PLPPR1: variants seen among roughly 807,000 people sequenced by gnomAD.
PLPPR1 encodes the protein phospholipid phosphatase related 1.
In PLPPR1, 10 loss-of-function variants were observed where a neutral mutation model predicts 33.1. That is an observed-to-expected ratio of 0.30 (90% CI 0.19 to 0.51). PLPPR1 has a LOEUF of 0.51. PLPPR1 is among the 20% of genes least tolerant of loss of function. The pLI, the probability that PLPPR1 is intolerant of heterozygous loss-of-function variation, is 0.97. For missense variants in PLPPR1, 304 were observed against 408.1 expected (o/e 0.74, Z 2.20); for synonymous variants, 151 against 151.0 (o/e 1.00, Z 0.00).
chr9:101,229,551 G>T (rs531218755), intron 2 of PLPPR1, among the ~76,000 whole-genome samples: 79 of 151,968 alleles, frequency 5.2e-4, no homozygotes, highest in Non-Finnish European at 1.0e-3. Flanking sequence ...TTTATTTCAT[G>T]ATTTCATGCT....
intron 3 of PLPPR1, among the ~76,000 whole-genome samples, chr9:101,276,078 T>A (rs987606607): frequency 6.6e-6 from 1 of 152,212 alleles, no homozygotes; most frequent in Non-Finnish European, 1.5e-5. Flanking sequence ...GGGGTGCAGC[T>A]GCCGAAGCAA....
Position 101,105,946 on chromosome 9 carries a change from G to A in PLPPR1, c.-46+76844G>A, listed in dbSNP as rs1221790609. The stretch of plus-strand genomic sequence containing the variant: ...TTTGATCTTTGTTGGTTTAAAGTCC[G>A]TTTTATCAGAGACTAGGATTGCAAC... On this transcript the variant is annotated intron_variant, in intron 1 of 7. Coordinates refer to ENST00000374874, the MANE Select transcript of PLPPR1 (RefSeq NM_207299.2). Among the ~76,000 whole-genome samples the A allele has an allele frequency of 8.1e-3, 1,187 of 147,196 alleles. 20 individuals carry two copies. The highest frequency in any genetic ancestry group is 0.013 in the Non-Finnish European group (857 of 67,072).
chr9:101,174,334 C>T (rs189554612), intron 1 of PLPPR1, among the ~76,000 whole-genome samples: 49 of 152,218 alleles, frequency 3.2e-4, no homozygotes, highest in African/African-American at 1.2e-3. Flanking sequence ...ATCATCATGA[C>T]GTTTTAAAAA....
In PLPPR1 at chr9:101,217,026, C is replaced by T. The variant is rs543300872; in HGVS notation, c.63+31469C>T. ...AAGCAATGAATAAGGAAAATATTTA[C>T]AATTGGAGTTGTGATTCTCAATTTT... On this transcript the variant is annotated intron_variant, in intron 2 of 7. Transcript: ENST00000374874. 2.8e-3 allele frequency among the ~76,000 whole-genome samples: 422 copies of T among 152,162 alleles called. 1 individual carries two copies. The highest frequency in any genetic ancestry group is 9.6e-3 in the African/African-American group (400 of 41,492).
In PLPPR1 at chr9:101,188,176, T is replaced by C. The variant is rs994074972; in HGVS notation, c.63+2619T>C. 2.0e-5 allele frequency: 3 copies of C among 152,220 alleles called. No homozygotes were observed. The East Asian group carries it at 5.8e-4, about 29-fold the overall frequency. The allele number at this position is 152,220 out of a possible 1,614,324, so 9.4% of individuals were successfully genotyped here. On this transcript the variant is annotated intron_variant, in intron 2 of 7. Coordinates refer to ENST00000374874, the MANE Select transcript of PLPPR1 (RefSeq NM_207299.2). ...TTTGTTTATGCGTTTGTTTGCTTAATATGCTTTTTCACTGTCATAAATGTT... is the reference window on the plus strand; with the variant it reads ...TTTGTTTATGCGTTTGTTTGCTTAACATGCTTTTTCACTGTCATAAATGTT...
intron 2 of PLPPR1, among the ~76,000 whole-genome samples, chr9:101,258,869 T>C (rs1827847597): frequency 6.6e-6 from 1 of 152,176 alleles, no homozygotes; most frequent in Non-Finnish European, 1.5e-5. Context: ...TCAGAATCAT[T>C]TTGAATTTTT....
chr9:101,109,295 G>A (rs1831021246), intron 1 of PLPPR1, among the ~76,000 whole-genome samples: 1 of 151,936 alleles, frequency 6.6e-6, no homozygotes, highest in Non-Finnish European at 1.5e-5. Flanking sequence ...TTTTTGAAGG[G>A]TATAAAGGGG....
chr9:101,125,135 TGC>T (rs1831228308), intron 1 of PLPPR1, among the ~76,000 whole-genome samples: 1 of 151,116 alleles, frequency 6.6e-6, no homozygotes, highest in African/African-American at 2.4e-5. Flanking sequence ...GACCTTATAT[TGC>T]TAGTCTTTGC....
intron 1 of PLPPR1, among the ~76,000 whole-genome samples, chr9:101,058,092 C>T (rs1395634094): frequency 6.6e-6 from 1 of 152,116 alleles, no homozygotes; most frequent in Non-Finnish European, 1.5e-5. Context: ...TCCTTGAACA[C>T]ACCTAGAGGT....
At chr9:101,279,789 A>C (rs55816789) in intron 3 of PLPPR1, among the ~76,000 whole-genome samples, 1,727 of 152,234 alleles carry the variant, frequency 0.011, 15 homozygotes, top group Non-Finnish European at 0.018. Context: ...AACATACCAA[A>C]GTGGATGGAA....
rs551253501 is a variant in PLPPR1 at position 101,041,076 on chromosome 9, A to G, written c.-46+11974A>G. The stretch of plus-strand genomic sequence containing the variant: ...AACGCATAGTGGAAAATGGTCCCCA[A>G]TGTAGGGGCTTGGTCCCATAGGACA... On this transcript the variant is annotated intron_variant, in intron 1 of 7. Transcript: ENST00000374874. Among the ~76,000 whole-genome samples the G allele has an allele frequency of 4.6e-5, 7 of 152,288 alleles. No homozygotes were observed. The South Asian group carries it at 8.3e-4, about 18-fold the overall frequency.
chr9:101,266,190 G>A (rs1827989556), intron 2 of PLPPR1, among the ~76,000 whole-genome samples: 3 of 152,024 alleles, frequency 2.0e-5, no homozygotes, highest in Non-Finnish European at 2.9e-5. Flanking sequence ...ACTTTGGGAG[G>A]CTGAGATGGA....
At chr9:101,233,458 C>T (rs568355962) in intron 2 of PLPPR1, among the ~76,000 whole-genome samples, 5 of 151,978 alleles carry the variant, frequency 3.3e-5, no homozygotes, top group African/African-American at 1.2e-4. Context: ...AATGACCCAA[C>T]GGGGATGGGA....
chr9:101,268,116 G>T (rs147548551), intron 2 of PLPPR1, among the ~76,000 whole-genome samples: 92 of 152,080 alleles, frequency 6.0e-4, no homozygotes, highest in African/African-American at 2.0e-3. Flanking sequence ...GGTAGGGGAG[G>T]GGGGAGAGAT....
intron 2 of PLPPR1, among the ~76,000 whole-genome samples, chr9:101,200,145 G>A (rs1826467872): frequency 6.6e-6 from 1 of 152,146 alleles, no homozygotes; most frequent in Admixed American, 6.5e-5. Context: ...GGCAGGCTCA[G>A]GAGCAGTCCT....
At chr9:101,097,387 A>G (rs939921776) in intron 1 of PLPPR1, among the ~76,000 whole-genome samples, 1 of 152,180 alleles carries the variant, frequency 6.6e-6, no homozygotes, top group African/African-American at 2.4e-5. Flanking sequence ...TAAGGGACAA[A>G]TGTATCACCC....
intron 1 of PLPPR1, among the ~76,000 whole-genome samples, chr9:101,057,488 A>G (rs1830291836): frequency 6.6e-6 from 1 of 152,198 alleles, no homozygotes; most frequent in Admixed American, 6.5e-5. Context: ...ACTGTTATAT[A>G]TTAATGGGCA....
intron 1 of PLPPR1, among the ~76,000 whole-genome samples, chr9:101,126,101 T>C (rs148437254): frequency 2.6e-5 from 4 of 152,320 alleles, no homozygotes; most frequent in African/African-American, 4.8e-5. Context: ...ACTGTACAAA[T>C]AGGTCTTTTG....
At chr9:101,102,837 T>C (rs1830925343) in intron 1 of PLPPR1, among the ~76,000 whole-genome samples, 1 of 106,318 alleles carries the variant, frequency 9.4e-6, no homozygotes, top group Non-Finnish European at 1.8e-5. Context: ...TGATTGCCAT[T>C]CTAACTGGTG....
Sources: allele counts gnomAD v4.1 joint callset (sites outside exome capture counted in the v4.1 genomes callset), GRCh38; gene constraint gnomAD v4.1.1; transcripts MANE v1.5; gene names NCBI Gene and HGNC (gene_info 2026-07-23, HGNC 2026-07-21).